ATP8A1: variants seen among roughly 807,000 people sequenced by gnomAD.
The protein encoded by ATP8A1 is phospholipid-transporting ATPase IA.
A neutral mutation model predicts 177.7 loss-of-function variants in ATP8A1; 90 were observed. The observed-to-expected ratio is 0.51, with a 90% CI of 0.43 to 0.60. The LOEUF is 0.60. ATP8A1 is among the 20% of genes least tolerant of loss of function. ATP8A1 has a pLI of 0.00. For missense variants in ATP8A1, 1,072 were observed against 1,392.8 expected, an observed-to-expected ratio of 0.77 and a Z score of 3.67; for synonymous variants, 493 against 485.9, an observed-to-expected ratio of 1.01 and a Z score of -0.19.
chr4:42,515,303 T>C (rs1214735781), intron 22 of ATP8A1, among the ~76,000 whole-genome samples: 1 of 152,240 alleles, frequency 6.6e-6, no homozygotes, highest in Non-Finnish European at 1.5e-5. Flanking sequence ...GAAAGTGATA[T>C]GTGCAGCTAC....
chr4:42,491,508 A>T (rs1722738545), intron 24 of ATP8A1, among the ~76,000 whole-genome samples: 2 of 152,290 alleles, frequency 1.3e-5, no homozygotes, highest in East Asian at 1.9e-4. Context: ...AACCCTTGAT[A>T]AAAAAACAGG....
At chr4:42,486,284 T>A (rs1722193625) in intron 24 of ATP8A1, among the ~76,000 whole-genome samples, 1 of 152,120 alleles carries the variant, frequency 6.6e-6, no homozygotes. Flanking sequence ...ACTTGTGGAA[T>A]GCTGAGAAAG....
intron 33 of ATP8A1, among the ~76,000 whole-genome samples, chr4:42,440,644 T>C (rs559764428): frequency 2.6e-5 from 4 of 152,274 alleles, no homozygotes; most frequent in Admixed American, 6.5e-5. Flanking sequence ...AAAATATATA[T>C]ATAGTCCTTA....
At position 42,551,603 on chromosome 4, in the gene ATP8A1, G is replaced by T. The variant is rs1471985700; in HGVS notation, c.1520-323C>A. Among the ~76,000 whole-genome samples the T allele has an allele frequency of 3.3e-5, 5 of 152,204 alleles. No individual in the cohort carries two copies. The East Asian group carries it at 7.7e-4, about 23-fold the overall frequency. ...ATTTGCTAGAAAACTTTCTCAAAAG[G>T]AATCAGAGAAAATTGCCTTCTAAAC... is the stretch of plus-strand genomic sequence containing the variant. On this transcript the variant is annotated intron_variant, in intron 17 of 36. Coordinates refer to ENST00000381668, the MANE Select transcript of ATP8A1 (RefSeq NM_006095.2).
chr4:42,531,888 G>A (rs1211997522), intron 20 of ATP8A1, among the ~76,000 whole-genome samples: 1 of 152,120 alleles, frequency 6.6e-6, no homozygotes, highest in Non-Finnish European at 1.5e-5. Flanking sequence ...GGAGGCTGAG[G>A]TAGGCATTCA....
intron 3 of ATP8A1, chr4:42,625,254 G>A (rs1395059101): frequency 6.2e-6 from 1 of 161,808 alleles, no homozygotes; most frequent in East Asian, 1.7e-4. Context: ...AACTTTTTCT[G>A]ACTACAACTA....
chr4:42,634,722 C>T (rs1480052922), intron 1 of ATP8A1, among the ~76,000 whole-genome samples: 3 of 152,104 alleles, frequency 2.0e-5, no homozygotes, highest in Admixed American at 6.6e-5. Context: ...AAGTGCCTGG[C>T]TCCTCATGCA....
At position 42,463,089 on chromosome 4, in the gene ATP8A1, A is replaced by G. The variant is rs140246525; in HGVS notation, c.2619+1601T>C. ...GCGGAAGGGACTTGCCTTGTCTCAG[A>G]TGAGACTTTGGACTGTGGACTTCTG... On this transcript the variant is annotated intron_variant, in intron 27 of 36. Coordinates refer to ENST00000381668, the MANE Select transcript of ATP8A1 (RefSeq NM_006095.2). Among the ~76,000 whole-genome samples, 180 of 152,268 alleles carry G rather than the reference A, an allele frequency of 1.2e-3. 1 individual carries two copies. The East Asian group carries it at 0.031, about 26-fold the overall frequency.
intron 1 of ATP8A1, among the ~76,000 whole-genome samples, chr4:42,637,690 T>A (rs1739535140): frequency 6.6e-6 from 1 of 152,206 alleles, no homozygotes; most frequent in African/African-American, 2.4e-5. Flanking sequence ...GCTCTGACAC[T>A]GATAGATAGA....
chr4:42,451,502 C>T (rs892497597), intron 30 of ATP8A1, among the ~76,000 whole-genome samples: 1 of 152,146 alleles, frequency 6.6e-6, no homozygotes, highest in Non-Finnish European at 1.5e-5. Context: ...AAAATCACTT[C>T]CCTCAAAATG....
chr4:42,656,740 G>A, intron 1 of ATP8A1, 85 bp downstream of exon 1: 5 of 1,348,460 alleles, frequency 3.7e-6, no homozygotes, highest in Non-Finnish European at 3.9e-6. Context: ...GGTAGGATGC[G>A]GTCTCTTCCA....
chr4:42,633,088 T>C (rs1037611884), intron 1 of ATP8A1, among the ~76,000 whole-genome samples: 5 of 152,202 alleles, frequency 3.3e-5, no homozygotes, highest in African/African-American at 1.2e-4. Context: ...CAGCCAAAAC[T>C]CAGTCACGAA....
At chr4:42,641,387 G>C (rs570436303) in intron 1 of ATP8A1, among the ~76,000 whole-genome samples, 1 of 152,216 alleles carries the variant, frequency 6.6e-6, no homozygotes, top group Non-Finnish European at 1.5e-5. Flanking sequence ...GGGTGTGTGT[G>C]GGTGTGTTCC....
chr4:42,463,630 T>C (rs1469737115), intron 27 of ATP8A1, among the ~76,000 whole-genome samples: 2 of 152,222 alleles, frequency 1.3e-5, no homozygotes, highest in African/African-American at 2.4e-5. Flanking sequence ...CTGGGCTCAG[T>C]AGGTGCTACA....
intron 27 of ATP8A1, 75 bp from the exon 28 acceptor site, chr4:42,455,674 T>C: frequency 7.7e-6 from 10 of 1,304,414 alleles, no homozygotes; most frequent in Non-Finnish European, 1.1e-5. Context: ...TGTTGTATAC[T>C]CAACTGCTGC....
At chr4:42,654,326 G>C (rs930956) in intron 1 of ATP8A1, among the ~76,000 whole-genome samples, 53,639 of 151,962 alleles carry the variant, frequency 0.35, 10,392 homozygotes, top group African/African-American at 0.52. Flanking sequence ...TTTCTCCCCA[G>C]TTTGGTTGTA....
intron 20 of ATP8A1, among the ~76,000 whole-genome samples, chr4:42,533,247 G>A (rs2153202196): frequency 6.6e-6 from 1 of 152,226 alleles, no homozygotes; most frequent in Middle Eastern, 3.4e-3. Flanking sequence ...CTTGTAGCTG[G>A]GGGCAAGTTC....
chr4:42,587,611 CTTTT>C (rs564079399), intron 8 of ATP8A1, among the ~76,000 whole-genome samples: 1 of 132,448 alleles, frequency 7.6e-6, no homozygotes. Context: ...CCTTGTACAG[CTTTT>C]TTTTTTTTTG....
At chr4:42,644,033 A>T (rs1427845730) in intron 1 of ATP8A1, among the ~76,000 whole-genome samples, 2 of 152,244 alleles carry the variant, frequency 1.3e-5, no homozygotes, top group Admixed American at 6.5e-5. Flanking sequence ...GACCAAAAAC[A>T]CATGAAACAA....
Sources: allele counts gnomAD v4.1 joint callset (sites outside exome capture counted in the v4.1 genomes callset), GRCh38; gene constraint gnomAD v4.1.1; transcripts MANE v1.5; gene names NCBI Gene and HGNC (gene_info 2026-07-23, HGNC 2026-07-21).